Variants in RPS6KC1 observed in about 807,000 individuals in gnomAD.
RPS6KC1 encodes ribosomal protein S6 kinase C1.
In RPS6KC1, 54 loss-of-function variants were observed where a neutral mutation model predicts 103.8. The observed-to-expected ratio is 0.52, with a 90% CI of 0.42 to 0.65. The LOEUF is 0.65. Ranked by LOEUF, RPS6KC1 falls within the 30% of genes least tolerant of loss-of-function variation. The pLI is 0.00. For synonymous variants in RPS6KC1, 439 were observed against 438.7 expected (o/e 1.00, Z -0.01); for missense variants, 1,151 against 1,253.8 (o/e 0.92, Z 1.24).
chr1:213,051,547 G>T, intron 1 of RPS6KC1, 38 bp downstream of exon 1: 1 of 1,455,442 alleles, frequency 6.9e-7, no homozygotes, highest in East Asian at 2.4e-5. Flanking sequence ...AGCTTGGATT[G>T]GGACCTGAGG....
the RPS6KC1 span, among the ~76,000 whole-genome samples, chr1:213,384,427 C>T: frequency 6.6e-6 from 1 of 151,814 alleles, no homozygotes; most frequent in Non-Finnish European, 1.5e-5. Context: ...GACTGAGGAG[C>T]CTCCAGGTCT....
chr1:213,283,162 A>G, the RPS6KC1 span, among the ~76,000 whole-genome samples: 3 of 152,184 alleles, frequency 2.0e-5, no homozygotes, highest in Non-Finnish European at 2.9e-5. Flanking sequence ...TCCCAAACAC[A>G]TACATGCTAT....
intron 13 of RPS6KC1, among the ~76,000 whole-genome samples, chr1:213,262,018 T>C (rs1057461475): frequency 1.3e-5 from 2 of 152,222 alleles, no homozygotes; most frequent in Non-Finnish European, 2.9e-5. Flanking sequence ...AGAATTCTTA[T>C]TTAAGAAAAT....
the RPS6KC1 span, among the ~76,000 whole-genome samples, chr1:213,851,846 C>A: frequency 1.3e-5 from 2 of 152,190 alleles, no homozygotes; most frequent in African/African-American, 4.8e-5. Context: ...CCCTCTCCTG[C>A]ACATCCAGTC....
At chr1:213,203,024 G>T (rs1308200765) in intron 8 of RPS6KC1, among the ~76,000 whole-genome samples, 3 of 151,922 alleles carry the variant, frequency 2.0e-5, no homozygotes, top group African/African-American at 7.3e-5. Context: ...TATTTTTTCA[G>T]AGTTGGAGAT....
At chr1:213,157,544 G>A (rs1013455226) in intron 6 of RPS6KC1, among the ~76,000 whole-genome samples, 1 of 152,142 alleles carries the variant, frequency 6.6e-6, no homozygotes, top group Non-Finnish European at 1.5e-5. Flanking sequence ...TATGGTTGGT[G>A]AATATAGTTT....
At chr1:213,093,065 G>A (rs2081130436) in intron 3 of RPS6KC1, among the ~76,000 whole-genome samples, 1 of 152,102 alleles carries the variant, frequency 6.6e-6, no homozygotes, top group African/African-American at 2.4e-5. Flanking sequence ...ATTATAGAAT[G>A]AAAGTTTCAT....
chr1:213,744,563 T>G, the RPS6KC1 span, among the ~76,000 whole-genome samples: 2 of 152,240 alleles, frequency 1.3e-5, no homozygotes, highest in African/African-American at 4.8e-5. Context: ...AGCCTTTTTT[T>G]GTTATTCCTT....
chr1:213,661,488 T>C, the RPS6KC1 span, among the ~76,000 whole-genome samples: 3 of 152,204 alleles, frequency 2.0e-5, no homozygotes, highest in Non-Finnish European at 2.9e-5. Context: ...CATCTTGCCA[T>C]GATAACTCAC....
chr1:213,302,677 G>A, the RPS6KC1 span, among the ~76,000 whole-genome samples: 2 of 152,110 alleles, frequency 1.3e-5, no homozygotes, highest in African/African-American at 4.8e-5. Context: ...TCATCCACAT[G>A]TGGGCACAGA....
the RPS6KC1 span, among the ~76,000 whole-genome samples, chr1:213,395,103 T>C: frequency 6.6e-6 from 1 of 152,106 alleles, no homozygotes; most frequent in African/African-American, 2.4e-5. Context: ...CAATAGCAGG[T>C]GTTGGGAACC....
the RPS6KC1 span, among the ~76,000 whole-genome samples, chr1:213,584,134 G>T: frequency 1.3e-5 from 2 of 152,092 alleles, no homozygotes; most frequent in African/African-American, 4.8e-5. Context: ...CTTTCGCTTG[G>T]TTCTCATTCT....
intron 5 of RPS6KC1, among the ~76,000 whole-genome samples, chr1:213,128,532 T>C (rs2085248840): frequency 6.6e-6 from 1 of 152,216 alleles, no homozygotes; most frequent in Non-Finnish European, 1.5e-5. Flanking sequence ...CGTGCTCATT[T>C]ACCATGATGT....
chr1:213,581,184 A>G, the RPS6KC1 span, among the ~76,000 whole-genome samples: 1 of 151,970 alleles, frequency 6.6e-6, no homozygotes, highest in African/African-American at 2.4e-5. Context: ...CTTCTGGCTC[A>G]CAGCTCCAAA....
chr1:213,715,645 A>C, the RPS6KC1 span, among the ~76,000 whole-genome samples: 1 of 152,232 alleles, frequency 6.6e-6, no homozygotes, highest in African/African-American at 2.4e-5. Flanking sequence ...TTTCCTGAAG[A>C]GGTAAAGTCT....
the RPS6KC1 span, among the ~76,000 whole-genome samples, chr1:213,294,050 A>C: frequency 6.6e-6 from 1 of 152,190 alleles, no homozygotes; most frequent in African/African-American, 2.4e-5. Context: ...GAAGGAAAGC[A>C]ACCCGAGCAC....
chr1:213,387,390 G>C, the RPS6KC1 span, among the ~76,000 whole-genome samples: 1 of 152,168 alleles, frequency 6.6e-6, no homozygotes, highest in African/African-American at 2.4e-5. Flanking sequence ...GTCCCAGATT[G>C]ACCTATCACC....
At chr1:213,750,289 T>C in the RPS6KC1 span, among the ~76,000 whole-genome samples, 3 of 152,254 alleles carry the variant, frequency 2.0e-5, no homozygotes, top group African/African-American at 4.8e-5. Flanking sequence ...TTCTGTCTCA[T>C]ACACTGGTCA....
chr1:213,624,383 TAGAAAGGAAACA>T, the RPS6KC1 span, among the ~76,000 whole-genome samples: 1 of 152,024 alleles, frequency 6.6e-6, no homozygotes, highest in African/African-American at 2.4e-5. Context: ...CTAGGATGGG[TAGAAAGGAAACA>T]AGAAGAGGAG....
Sources: gnomAD v4.1 joint callset for allele counts (sites outside exome capture counted in the v4.1 genomes callset) on GRCh38, gnomAD v4.1.1 for gene constraint, MANE v1.5 for transcripts, NCBI Gene and HGNC (gene_info 2026-07-23, HGNC 2026-07-21) for gene names.